Variants in RPTOR observed in about 807,000 individuals in gnomAD.
RPTOR encodes the protein regulatory associated protein of MTOR complex 1, also known as regulatory-associated protein of mTOR.
Under a neutral mutation model 169.9 loss-of-function variants are expected in RPTOR, and 21 were observed. The observed-to-expected ratio is 0.12, with a 90% CI of 0.09 to 0.18. The LOEUF (loss-of-function observed/expected upper bound fraction) is 0.18. Among genes scored for constraint, RPTOR ranks in the 10% least tolerant of loss-of-function variants. The pLI is 1.00. For synonymous variants in RPTOR, 732 were observed against 753.2 expected (o/e 0.97, Z 0.46); for missense variants, 1,133 against 1,855.9 (o/e 0.61, Z 7.16).
rs145992260 is a variant in RPTOR at position 80,857,888 on chromosome 17, C to G, written c.1497C>G (p.Leu499=). 1.9e-6 allele frequency: 3 copies of G among 1,613,028 alleles called. No homozygotes were observed. Among genetic ancestry groups the G allele is most frequent in the Middle Eastern group, 1.6e-4 (1 of 6,082 alleles). Residue 499 remains leucine, a synonymous_variant, in exon 13 of 34, where the codon CTC becomes CTG. Transcript: ENST00000306801. The part of the protein sequence containing the change: ...PLLVFIWAKI[L]AVDSSCQADL... ...TCGTTTTCATCTGGGCCAAGATCCT[C>G]GCAGTGGACAGCGTGAGTATCCCCG...
chr17:80,635,660 T>A (rs1369156975), intron 2 of RPTOR, among the ~76,000 whole-genome samples: 1 of 152,030 alleles, frequency 6.6e-6, no homozygotes, highest in African/African-American at 2.4e-5. Context: ...CCAGAGGGTA[T>A]CGGGCAGAGG....
chr17:80,922,299 A>C (rs969834534), intron 21 of RPTOR, among the ~76,000 whole-genome samples: 1 of 152,030 alleles, frequency 6.6e-6, no homozygotes, highest in African/African-American at 2.4e-5. Context: ...TGTTGGGGAG[A>C]ATTGGACTCA....
chr17:80,661,546 C>A (rs1175266799), intron 3 of RPTOR, among the ~76,000 whole-genome samples: 2 of 152,138 alleles, frequency 1.3e-5, no homozygotes, highest in Non-Finnish European at 2.9e-5. Context: ...TGGTGTTTTG[C>A]ACCCGTGGCA....
intron 6 of RPTOR, among the ~76,000 whole-genome samples, chr17:80,762,446 CG>C (rs1212026749): frequency 9.8e-5 from 15 of 152,292 alleles, no homozygotes; most frequent in Non-Finnish European, 2.1e-4. Flanking sequence ...TGAGGGCACT[CG>C]GCTCTCCTCC....
chr17:80,687,488 T>A (rs2143730267), intron 3 of RPTOR, among the ~76,000 whole-genome samples: 1 of 151,466 alleles, frequency 6.6e-6, no homozygotes, highest in Admixed American at 6.6e-5. Context: ...TCTTGTTTTC[T>A]GTGTCATTGT....
intron 3 of RPTOR, among the ~76,000 whole-genome samples, chr17:80,664,168 G>C (rs2065745838): frequency 1.3e-5 from 2 of 152,184 alleles, no homozygotes; most frequent in African/African-American, 2.4e-5. Context: ...GGAGCGCCCT[G>C]TTGCCTGGAA....
intron 3 of RPTOR, among the ~76,000 whole-genome samples, chr17:80,690,912 A>G (rs1461063590): frequency 6.6e-6 from 1 of 152,084 alleles, no homozygotes; most frequent in Non-Finnish European, 1.5e-5. Flanking sequence ...CTCCCACCTG[A>G]GACTTCCAAG....
chr17:80,952,191 G>A (rs1000747910), intron 28 of RPTOR, among the ~76,000 whole-genome samples: 1 of 152,254 alleles, frequency 6.6e-6, no homozygotes, highest in African/African-American at 2.4e-5. Flanking sequence ...GAAAGTCACA[G>A]TCACCAGGAC....
At chr17:80,693,814 A>G (rs1469043896) in intron 3 of RPTOR, among the ~76,000 whole-genome samples, 1 of 152,196 alleles carries the variant, frequency 6.6e-6, no homozygotes, top group Non-Finnish European at 1.5e-5. Context: ...GTGACCTGGA[A>G]AACAGACTGT....
At chr17:80,962,089 G>A (rs2069350797) in intron 31 of RPTOR, among the ~76,000 whole-genome samples, 1 of 152,218 alleles carries the variant, frequency 6.6e-6, no homozygotes, top group Non-Finnish European at 1.5e-5. Flanking sequence ...TGCCATCCAG[G>A]CTCTGTCTCC....
chr17:80,866,103 A>G (rs953522427), intron 13 of RPTOR, among the ~76,000 whole-genome samples: 1 of 150,724 alleles, frequency 6.6e-6, no homozygotes, highest in East Asian at 1.9e-4. Flanking sequence ...AATATGTAAT[A>G]TTAAGATACA....
At chr17:80,669,909 T>A (rs990007053) in intron 3 of RPTOR, among the ~76,000 whole-genome samples, 1 of 152,246 alleles carries the variant, frequency 6.6e-6, no homozygotes, top group African/African-American at 2.4e-5. Context: ...TCTGAATGCC[T>A]CTTTAGGCCT....
chr17:80,662,543 G>A (rs2065732794), intron 3 of RPTOR, among the ~76,000 whole-genome samples: 1 of 110,096 alleles, frequency 9.1e-6, no homozygotes, highest in Admixed American at 8.5e-5. Context: ...GCCTCTGGGT[G>A]GGGCCACAGG....
chr17:80,613,875 A>C (rs1200595345), intron 1 of RPTOR, among the ~76,000 whole-genome samples: 1 of 152,232 alleles, frequency 6.6e-6, no homozygotes, highest in African/African-American at 2.4e-5. Context: ...GTTCTGGATA[A>C]GTGGCTGTGG....
At chr17:80,604,636 A>G (rs2065215085) in intron 1 of RPTOR, among the ~76,000 whole-genome samples, 1 of 152,198 alleles carries the variant, frequency 6.6e-6, no homozygotes, top group Non-Finnish European at 1.5e-5. Context: ...AAAGAGGTTT[A>G]ATGGAATCAC....
intron 2 of RPTOR, among the ~76,000 whole-genome samples, chr17:80,627,837 T>A (rs1158116749): frequency 2.3e-5 from 2 of 88,648 alleles, no homozygotes; most frequent in East Asian, 3.9e-4. Flanking sequence ...TATGTTTAAA[T>A]TTTTTTTTTT....
At chr17:80,664,527 CCTT>C (rs78632922) in intron 3 of RPTOR, among the ~76,000 whole-genome samples, 39,696 of 151,774 alleles carry the variant, frequency 0.26, 5,409 homozygotes, top group Middle Eastern at 0.33. Context: ...TCCCTCCTTT[CCTT>C]CTTCTCTTCC....
chr17:80,652,997 G>A (rs907102639), intron 3 of RPTOR, among the ~76,000 whole-genome samples: 1 of 152,196 alleles, frequency 6.6e-6, no homozygotes, highest in African/African-American at 2.4e-5. Context: ...CTGATGATTA[G>A]TGATGTTGCC....
At chr17:80,722,451 G>T in intron 4 of RPTOR, among the ~76,000 whole-genome samples, 1 of 150,874 alleles carries the variant, frequency 6.6e-6, no homozygotes, top group Non-Finnish European at 1.5e-5. Flanking sequence ...GAGGGTGGAA[G>T]GGAGGGGTCC....
Sources: gnomAD v4.1 joint callset for allele counts (sites outside exome capture counted in the v4.1 genomes callset) on GRCh38, gnomAD v4.1.1 for gene constraint, MANE v1.5 for transcripts, NCBI Gene and HGNC (gene_info 2026-07-23, HGNC 2026-07-21) for gene names.